The following HERC1 variants were observed in gnomAD, a reference collection of about 807,000 sequenced individuals.
The protein encoded by HERC1 is probable E3 ubiquitin-protein ligase HERC1.
Under a neutral mutation model 554.3 loss-of-function variants are expected in HERC1, and 160 were observed. The ratio of observed to expected loss-of-function variants is 0.29; its 90% confidence interval spans 0.25 to 0.33. The LOEUF (loss-of-function observed/expected upper bound fraction) is 0.33. HERC1 is among the 10% of genes least tolerant of loss of function. HERC1 has a pLI of 1.00. For missense variants in HERC1, 4,919 were observed against 5,918.5 expected (o/e 0.83, Z 5.54); for synonymous variants, 2,175 against 2,131.7 (o/e 1.02, Z -0.56).
chr15:63,794,970 G>A (rs956586931), intron 1 of HERC1, among the ~76,000 whole-genome samples: 2 of 149,802 alleles, frequency 1.3e-5, no homozygotes, highest in African/African-American at 4.9e-5. Context: ...GGCTGCTGAG[G>A]CAGGAGAATT....
intron 23 of HERC1, among the ~76,000 whole-genome samples, chr15:63,713,150 C>G (rs1223922962): frequency 6.6e-6 from 1 of 152,228 alleles, no homozygotes; most frequent in Non-Finnish European, 1.5e-5. Flanking sequence ...ATTGTGCCTC[C>G]TCATTTAATC....
At chr15:63,687,140 A>T (rs1328123288) in intron 33 of HERC1, among the ~76,000 whole-genome samples, 2 of 152,220 alleles carry the variant, frequency 1.3e-5, no homozygotes, top group Non-Finnish European at 2.9e-5. Context: ...TGTATATAGG[A>T]GATCTCTGAT....
chr15:63,648,989 C>T (rs950027655), intron 54 of HERC1, among the ~76,000 whole-genome samples: 4 of 152,212 alleles, frequency 2.6e-5, no homozygotes, highest in Admixed American at 6.5e-5. Flanking sequence ...ACTTCCTAAT[C>T]TCTCTTGTCA....
At chr15:63,805,696 C>T (rs1007185110) in intron 1 of HERC1, among the ~76,000 whole-genome samples, 1 of 152,150 alleles carries the variant, frequency 6.6e-6, no homozygotes, top group Non-Finnish European at 1.5e-5. Flanking sequence ...CCTACAATCC[C>T]AGCACTTTTG....
chr15:63,682,247 A>C (rs1182021587), intron 34 of HERC1, among the ~76,000 whole-genome samples: 1 of 152,160 alleles, frequency 6.6e-6, no homozygotes, highest in East Asian at 1.9e-4. Flanking sequence ...AAATCCAATC[A>C]CAAGAGAGTT....
At chr15:63,658,483 A>G in intron 48 of HERC1, 61 bp downstream of exon 48, 1 of 1,454,546 alleles carries the variant, frequency 6.9e-7, no homozygotes, top group Non-Finnish European at 9.3e-7. Flanking sequence ...ACACCACCAG[A>G]CTTCCAGCTA....
Position 63,651,377 on chromosome 15 carries a change from T to C in HERC1, c.10422A>G (p.Glu3474=). 1 of 1,612,700 alleles carries C rather than the reference T, an allele frequency of 6.2e-7. No homozygotes were observed. Among genetic ancestry groups the C allele is most frequent in the Non-Finnish European group, 8.5e-7 (1 of 1,179,228 alleles). Reference sequence around the variant, plus strand: ...ATCCCAGGCTTTCCTCAGCATCCCCTTCCCTAGAATATAACAGACAGATAT... The same window carrying C: ...ATCCCAGGCTTTCCTCAGCATCCCCCTCCCTAGAATATAACAGACAGATAT... ...LQQTCVFNRL[E]GDAEESLGSP... is the part of the protein sequence containing the mutation. The change falls in exon 53 of 78, where the codon GAA becomes GAG. Residue 3474 remains glutamate (E), a synonymous_variant. Transcript: ENST00000443617.
chr15:63,645,665 C>A lies in HERC1; in HGVS notation c.10896G>T (p.Met3632Ile). The change falls in exon 56 of 78, where the codon ATG (methionine) becomes ATT (isoleucine). Residue 3632 changes from methionine (M) to isoleucine (I), a missense_variant. Coordinates refer to ENST00000443617, the MANE Select transcript of HERC1 (RefSeq NM_003922.4). ...IDAHKDTLIS[M>I]KWDPTGHILM... ...GAATATGACCTGTAGGGTCCCACTT[C>A]ATGCTAATAAGAGTATCCTTAAAAT... is the stretch of plus-strand genomic sequence containing the variant. 2.5e-6 allele frequency: 4 copies of A among 1,587,528 alleles called. No homozygotes were observed. In the South Asian group the frequency reaches 4.6e-5, roughly 18 times the overall value.
At chr15:63,815,436 T>A (rs1312920333) in intron 1 of HERC1, among the ~76,000 whole-genome samples, 2 of 152,210 alleles carry the variant, frequency 1.3e-5, no homozygotes, top group African/African-American at 4.8e-5. Flanking sequence ...AAAATAGGTA[T>A]AACAAGAGTA....
intron 1 of HERC1, among the ~76,000 whole-genome samples, chr15:63,777,163 G>C (rs1190024868): frequency 6.6e-6 from 1 of 152,148 alleles, no homozygotes; most frequent in African/African-American, 2.4e-5. Context: ...CAATGATAAA[G>C]ATCCCAGACT....
chr15:63,727,764 C>A lies in HERC1; in HGVS notation c.3229G>T (p.Val1077Leu). The change falls in exon 17 of 78, where the codon GTG (valine) becomes TTG (leucine). Residue 1077 changes from valine to leucine, a missense_variant. By Grantham distance (32) the Val-to-Leu change is conservative. Coordinates refer to ENST00000443617, the MANE Select transcript of HERC1 (RefSeq NM_003922.4). This position sits in a 1 kb window ranked among gnomAD's most constrained non-coding sequence, Gnocchi z 4.3. Reference sequence around the variant, plus strand: ...AGGTAACTCAATAAAGGCCGAGCCACTGACACAGGGAGTAACAGCAGGGAG... The same window carrying A: ...AGGTAACTCAATAAAGGCCGAGCCAATGACACAGGGAGTAACAGCAGGGAG... ...VNSLLLLPVS[V>L]ARPLLSYLLD... 6.2e-7 allele frequency: 1 copy of A among 1,613,966 alleles called. No homozygotes were observed. The highest frequency in any genetic ancestry group is 8.5e-7 in the Non-Finnish European group (1 of 1,179,856).
intron 19 of HERC1, among the ~76,000 whole-genome samples, chr15:63,719,573 G>A (rs761597536): frequency 1.3e-5 from 2 of 152,248 alleles, no homozygotes; most frequent in African/African-American, 4.8e-5. Context: ...AGCTCACTCT[G>A]CTGAGTGGAG....
chr15:63,695,420 C>G (rs981541965), intron 27 of HERC1, among the ~76,000 whole-genome samples: 1 of 126,648 alleles, frequency 7.9e-6, no homozygotes. Flanking sequence ...GAGTCTTGCT[C>G]TGTTGCCCAG....
At chr15:63,781,243 C>G (rs2076281134) in intron 1 of HERC1, among the ~76,000 whole-genome samples, 1 of 151,986 alleles carries the variant, frequency 6.6e-6, no homozygotes, top group Non-Finnish European at 1.5e-5. Context: ...TAAATACAGC[C>G]ATACCTCATT....
chr15:63,759,668 C>T (rs1271825042), intron 3 of HERC1, among the ~76,000 whole-genome samples: 1 of 152,158 alleles, frequency 6.6e-6, no homozygotes, highest in African/African-American at 2.4e-5. Context: ...CTTGTATGAA[C>T]TCAATACAAT....
At chr15:63,701,041 T>A (rs907787571) in intron 25 of HERC1, among the ~76,000 whole-genome samples, 3 of 151,938 alleles carry the variant, frequency 2.0e-5, no homozygotes, top group Non-Finnish European at 4.4e-5. Context: ...TGTTTTTTTT[T>A]AAATATTAAA....
intron 1 of HERC1, among the ~76,000 whole-genome samples, chr15:63,789,090 T>TG (rs1567129112): frequency 8.5e-6 from 1 of 117,412 alleles, no homozygotes; most frequent in African/African-American, 3.4e-5. Flanking sequence ...TTTTTTTTTT[T>TG]TTTTTTTTTT....
chr15:63,732,048 C>T (rs1336126016), intron 14 of HERC1, among the ~76,000 whole-genome samples: 1 of 152,132 alleles, frequency 6.6e-6, no homozygotes, highest in African/African-American at 2.4e-5. Context: ...GTCACCCAGG[C>T]TGGAGTGCAG....
intron 34 of HERC1, among the ~76,000 whole-genome samples, chr15:63,685,123 C>T (rs1232517038): frequency 6.6e-6 from 1 of 152,220 alleles, no homozygotes; most frequent in Non-Finnish European, 1.5e-5. Flanking sequence ...GTCAAAAGAC[C>T]ACAGTGGGTG....
Sources: gnomAD v4.1 joint callset for allele counts (sites outside exome capture counted in the v4.1 genomes callset) on GRCh38, gnomAD v4.1.1 for gene constraint, Gnocchi (gnomAD v3.1) non-coding constraint, MANE v1.5 for transcripts, NCBI Gene and HGNC (gene_info 2026-07-23, HGNC 2026-07-21) for gene names.